The following SLC35D1 variants were observed in gnomAD, a reference collection of about 807,000 sequenced individuals.
The protein encoded by SLC35D1 is solute carrier family 35 member D1.
Under a neutral mutation model 46.7 loss-of-function variants are expected in SLC35D1, and 31 were observed. The observed-to-expected ratio is 0.66, with a 90% CI of 0.50 to 0.90. The LOEUF is 0.90. Among genes scored for constraint, SLC35D1 ranks in the 40% least tolerant of loss-of-function variants. SLC35D1 has a pLI of 0.00. For missense variants in SLC35D1, 397 were observed against 426.2 expected (o/e 0.93, Z 0.60); for synonymous variants, 195 against 164.6 (o/e 1.18, Z -1.41).
the SLC35D1 span, chr1:66,986,263 C>G: frequency 7.2e-7 from 1 of 1,395,138 alleles, no homozygotes; most frequent in Non-Finnish European, 9.3e-7. Flanking sequence ...ATAGGATTAT[C>G]CATCTGCATA....
At chr1:66,977,183 C>T in the SLC35D1 span, among the ~76,000 whole-genome samples, 2 of 151,810 alleles carry the variant, frequency 1.3e-5, no homozygotes, top group African/African-American at 2.4e-5. Context: ...AATCTCAGCT[C>T]CCTGCAGCCT....
the SLC35D1 span, chr1:66,985,413 A>T: frequency 2.0e-6 from 2 of 983,694 alleles, no homozygotes; most frequent in Non-Finnish European, 2.4e-6. Flanking sequence ...AACCCTTACG[A>T]ATCCTGAAAA....
In SLC35D1 at chr1:67,052,645, C is replaced by A. The variant is rs1021561850; in HGVS notation, c.324+126G>T. Reference sequence around the variant, plus strand: ...TATTACTACTTTTATTCTTTACATTCATTATAACCACTCTAGACTGGGCAA... The same window carrying A: ...TATTACTACTTTTATTCTTTACATTAATTATAACCACTCTAGACTGGGCAA... On this transcript the variant is annotated intron_variant, in intron 3 of 11. Coordinates refer to ENST00000235345, the MANE Select transcript of SLC35D1 (RefSeq NM_015139.3). 2.9e-5 allele frequency: 25 copies of A among 864,420 alleles called. No homozygotes were observed. In the African/African-American group the frequency reaches 4.0e-4, roughly 14 times the overall value. 53.5% of individuals were successfully genotyped at this position (864,420 alleles called of 1,614,324 possible). A position where few individuals can be genotyped will look rare whatever the true frequency, so the allele number is the denominator to read the frequency against.
At chr1:67,021,292 A>G (rs1667792561) in intron 9 of SLC35D1, among the ~76,000 whole-genome samples, 1 of 152,194 alleles carries the variant, frequency 6.6e-6, no homozygotes, top group Non-Finnish European at 1.5e-5. Context: ...TTGAAATATA[A>G]TGGTGCTTAC....
At chr1:66,977,302 GTT>G in the SLC35D1 span, among the ~76,000 whole-genome samples, 1 of 151,930 alleles carries the variant, frequency 6.6e-6, no homozygotes, top group African/African-American at 2.4e-5. Flanking sequence ...TAGAGACGGG[GTT>G]TCACTGTGTT....
At chr1:67,007,865 C>T (rs1483486792) in intron 11 of SLC35D1, among the ~76,000 whole-genome samples, 3 of 152,092 alleles carry the variant, frequency 2.0e-5, no homozygotes, top group African/African-American at 7.2e-5. Flanking sequence ...CAAACAGAGA[C>T]CCTTTAACTA....
At position 67,024,193 on chromosome 1, in the gene SLC35D1, G is replaced by A. The variant is rs150160573; in HGVS notation, c.730-2591C>T. Among the ~76,000 whole-genome samples, 246 of 152,144 alleles carry A rather than the reference G, an allele frequency of 1.6e-3. 1 individual carries two copies. Among genetic ancestry groups the A allele is most frequent in the African/African-American group, 5.1e-3 (213 of 41,504 alleles). ...ACTCCAGACCTCAAGTGATCCGCCC[G>A]CCTCAGCCTCCCAAAGTGCTGGGAT... is the stretch of plus-strand genomic sequence containing the variant. On this transcript the variant is annotated intron_variant, in intron 8 of 11. Transcript: ENST00000235345.
the SLC35D1 span, among the ~76,000 whole-genome samples, chr1:66,991,823 C>T: frequency 1.3e-5 from 2 of 151,628 alleles, no homozygotes; most frequent in African/African-American, 4.9e-5. Flanking sequence ...CCACCTTTTT[C>T]CATACCCACT....
chr1:66,985,532 G>A, the SLC35D1 span: 1 of 984,500 alleles, frequency 1.0e-6, no homozygotes. Flanking sequence ...TCTTATCTGG[G>A]CTTAAGAAAT....
downstream of SLC35D1, among the ~76,000 whole-genome samples, chr1:66,998,973 T>G (rs1310081812): frequency 6.6e-6 from 1 of 152,178 alleles, no homozygotes; most frequent in Non-Finnish European, 1.5e-5. Context: ...TAAGATGGTA[T>G]ATTTTATGTG....
At chr1:67,014,856 G>A (rs1394336968) in intron 10 of SLC35D1, among the ~76,000 whole-genome samples, 1 of 151,048 alleles carries the variant, frequency 6.6e-6, no homozygotes, top group Non-Finnish European at 1.5e-5. Context: ...AAAAAGGTCT[G>A]GGGACAACAC....
intron 6 of SLC35D1, among the ~76,000 whole-genome samples, chr1:67,049,481 T>C (rs767810720): frequency 2.0e-5 from 3 of 152,208 alleles, no homozygotes; most frequent in Non-Finnish European, 1.5e-5. Flanking sequence ...TTGTGAAGAA[T>C]ACATAATAAG....
rs1667797933 is a variant in SLC35D1, at chr1:67,021,535, C to T, written c.797G>A (p.Gly266Glu). 1.2e-6 allele frequency: 2 copies of T among 1,613,736 alleles called. No homozygotes were observed. Among genetic ancestry groups the T allele is most frequent in the Admixed American group, 3.3e-5 (2 of 59,990 alleles). The change falls in exon 9 of 12, where the codon GGG (glycine) becomes GAG (glutamate). Residue 266 changes from glycine to glutamate, a missense_variant and splice_region_variant. By Grantham distance (98) the Gly-to-Glu change is moderately conservative. Transcript: ENST00000235345. ...TGCTAACAAGGTAACAAAGGCTTAC[C>T]CCATCACACAGGAGAGGGTGAACTG... The part of the protein sequence containing the change: ...LLQFTLSCVM[G>E]FILMYATVLC...
chr1:67,027,888 T>C (rs1357106263), intron 8 of SLC35D1, among the ~76,000 whole-genome samples: 1 of 152,032 alleles, frequency 6.6e-6, no homozygotes, highest in African/African-American at 2.4e-5. Context: ...TGAGCCACCA[T>C]GCCTGGCTAA....
the SLC35D1 span, among the ~76,000 whole-genome samples, chr1:66,974,886 C>A: frequency 6.6e-6 from 1 of 152,246 alleles, no homozygotes; most frequent in East Asian, 1.9e-4. Flanking sequence ...TTTTCATAAT[C>A]TTAACTTTGC....
intron 10 of SLC35D1, among the ~76,000 whole-genome samples, chr1:67,019,765 T>G (rs781573979): frequency 5.3e-5 from 8 of 152,140 alleles, no homozygotes; most frequent in Non-Finnish European, 8.8e-5. Context: ...AGCACTAGAA[T>G]CACAAAGTCA....
the SLC35D1 span, chr1:66,984,634 C>T: frequency 1.2e-6 from 2 of 1,613,490 alleles, no homozygotes; most frequent in African/African-American, 2.7e-5. Context: ...TGAAGGGTTA[C>T]ACATTAATGG....
the SLC35D1 span, chr1:66,986,180 T>C: frequency 8.1e-7 from 1 of 1,234,608 alleles, no homozygotes; most frequent in Non-Finnish European, 1.0e-6. Context: ...TACAATCCAA[T>C]TTTTCAGATT....
At chr1:66,985,602 C>G in the SLC35D1 span, 1 of 985,100 alleles carries the variant, frequency 1.0e-6, no homozygotes, top group Non-Finnish European at 1.2e-6. Context: ...GTACATATGT[C>G]TTGACTGAGC....
Sources: gnomAD v4.1 joint callset for allele counts (sites outside exome capture counted in the v4.1 genomes callset) on GRCh38, gnomAD v4.1.1 for gene constraint, MANE v1.5 for transcripts, NCBI Gene and HGNC (gene_info 2026-07-23, HGNC 2026-07-21) for gene names.